Variants in CNPPD1 observed in about 807,000 individuals in gnomAD.
CNPPD1 encodes the protein protein CNPPD1.
Under a neutral mutation model 43.7 loss-of-function variants are expected in CNPPD1, and 40 were observed. The observed-to-expected ratio is 0.92, with a 90% CI of 0.71 to 1.19. CNPPD1 has a LOEUF of 1.19. CNPPD1 is among the 50% of genes most tolerant of loss of function. The pLI, the probability that CNPPD1 is intolerant of heterozygous loss-of-function variation, is 0.00. For missense variants in CNPPD1, 511 were observed against 518.5 expected, an observed-to-expected ratio of 0.99 and a Z score of 0.14; for synonymous variants, 208 against 214.3, an observed-to-expected ratio of 0.97 and a Z score of 0.26.
At chr2:219,177,895 T>G, upstream of CNPPD1, 1 of 152,300 alleles carries the variant, frequency 6.6e-6, no homozygotes. Flanking sequence ...GCGTTGAGGG[T>G]TGGTTGAGTA....
At position 219,172,862 on chromosome 2, in the gene CNPPD1, T is replaced by TG; in HGVS notation, c.956dup (p.Pro320ThrfsTer16). 1 of 1,592,120 alleles carries TG rather than the reference T, an allele frequency of 6.3e-7. No individual in the cohort carries two copies. The highest frequency in any genetic ancestry group is 8.6e-7 in the Non-Finnish European group (1 of 1,168,336). ...CAGGGGGGTCTGGGGGAGGCAATGG[T>TG]GGAGGAGTCAGTGAGGCCAGAAGAC... On this transcript the variant is annotated frameshift_variant, in exon 8 of 8. Transcript: ENST00000360507. LOFTEE classifies it high-confidence loss of function.
Position 219,172,852 on chromosome 2 carries a change from G to A in CNPPD1, c.967C>T (p.Pro323Ser), listed in dbSNP as rs1367642380. ...LASLTPPPLP[P>S]PDPPAPPTLL... Reference sequence around the variant, plus strand: ...GTGGGAGGGGCAGGGGGGTCTGGGGGAGGCAATGGTGGAGGAGTCAGTGAG... The same window carrying A: ...GTGGGAGGGGCAGGGGGGTCTGGGGAAGGCAATGGTGGAGGAGTCAGTGAG... The change falls in exon 8 of 8, where the codon CCC (proline) becomes TCC (serine). Residue 323 changes from proline to serine, a missense_variant. Physicochemically the swap from Pro to Ser is moderately conservative, Grantham distance 74. Transcript: ENST00000360507. The A allele has an allele frequency of 2.5e-5, 40 of 1,589,256 alleles. No individual in the cohort carries two copies. Among genetic ancestry groups the A allele is most frequent in the Non-Finnish European group, 3.3e-5 (39 of 1,166,860 alleles).
chr2:219,176,679 G>A (rs1650782888), intron 1 of CNPPD1, 81 bp downstream of exon 1: 2 of 1,099,204 alleles, frequency 1.8e-6, no homozygotes, highest in Non-Finnish European at 1.3e-6. Flanking sequence ...TCCCGGCACA[G>A]CAGTCAGGCG....
In CNPPD1 at chr2:219,173,038, A is replaced by G. The variant is rs1406390201; in HGVS notation, c.781T>C (p.Cys261Arg). 1.9e-6 allele frequency: 3 copies of G among 1,612,740 alleles called. No individual in the cohort carries two copies. The African/African-American group carries it at 4.0e-5, about 22-fold the overall frequency. Residue 261 changes from cysteine (C) to arginine (R), a missense_variant, in exon 8 of 8, where the codon TGC becomes CGC. By Grantham distance (180) the Cys-to-Arg change is radical. Transcript: ENST00000360507. Reference sequence around the variant, plus strand: ...TCAGGCGGCCCAGGTGTAGGGATGCAGGACAGCCCCAAAGACTGATGTATT... The same window carrying G: ...TCAGGCGGCCCAGGTGTAGGGATGCGGGACAGCCCCAAAGACTGATGTATT... ...AVIHQSLGLS[C>R]IPTPGPPDLG...
intron 5 of CNPPD1, 59 bp from the exon 6 acceptor site, chr2:219,174,266 A>G (rs1950122966): frequency 3.9e-6 from 6 of 1,539,604 alleles, no homozygotes; most frequent in African/African-American, 2.7e-5. Flanking sequence ...TCATTTAATA[A>G]TAAGAGCCAT....
chr2:219,173,440 T>A lies in CNPPD1; in HGVS notation c.600A>T (p.Arg200=). The A allele has an allele frequency of 6.2e-7, 1 of 1,613,724 alleles. No individual in the cohort carries two copies. The highest frequency in any genetic ancestry group is 1.1e-5 in the South Asian group (1 of 91,048). Residue 200 remains arginine, a synonymous_variant, in exon 7 of 8, where the codon CGA becomes CGT. Transcript: ENST00000360507. The part of the protein sequence containing the change: ...SCVAEQQGRW[R]GWYTYTDLCV... Reference sequence around the variant, plus strand: ...ACAGGTCTGTGTAGGTGTACCAGCCTCGCCACCGTCCCTGCTGCTCAGCCA... The same window carrying A: ...ACAGGTCTGTGTAGGTGTACCAGCCACGCCACCGTCCCTGCTGCTCAGCCA...
At position 219,172,478 on chromosome 2, in the gene CNPPD1, G is replaced by C; in HGVS notation, c.*108C>G. On this transcript the variant is annotated 3_prime_UTR_variant, in exon 8 of 8. Transcript: ENST00000360507. ...CCATAAGCTCCCACCCAGGAGGACAGGGGACCTGCCAAGGACCCAGCGAGG... is the reference window on the plus strand; with the variant it reads ...CCATAAGCTCCCACCCAGGAGGACACGGGACCTGCCAAGGACCCAGCGAGG... 8.4e-7 allele frequency: 1 copy of C among 1,186,926 alleles called. No homozygotes were observed. Among genetic ancestry groups the C allele is most frequent in the East Asian group, 2.3e-5 (1 of 42,880 alleles). 73.5% of individuals were successfully genotyped at this position (1,186,926 alleles called of 1,614,324 possible).
chr2:219,176,444 C>A, intron 1 of CNPPD1, 113 bp from the exon 2 acceptor site: 1 of 813,500 alleles, frequency 1.2e-6, no homozygotes, highest in South Asian at 1.6e-5. Context: ...TGCTAGGGGG[C>A]CCGTGCCTTA....
At chr2:219,175,795 A>G in intron 2 of CNPPD1, 123 bp from the exon 3 acceptor site, 1 of 769,722 alleles carries the variant, frequency 1.3e-6, no homozygotes. Context: ...GGACCATAGT[A>G]ACAAAATAGA....
upstream of CNPPD1, chr2:219,176,959 GC>G: frequency 5.8e-6 from 4 of 693,696 alleles, no homozygotes; most frequent in Non-Finnish European, 9.5e-6. Flanking sequence ...CCTCGCCCTC[GC>G]CCTCGCAGCT....
chr2:219,176,296 G>A lies in CNPPD1; in HGVS notation c.105C>T (p.Ile35=), dbSNP rs1158936711. ...LPGHQKLSAR[I]RRRLYYGWDW... ...CCCAGCCATAGTAGAGCCTCCTTCGGATCCGGGCACTCAGCTTCTGGTGTC... is the reference window on the plus strand; with the variant it reads ...CCCAGCCATAGTAGAGCCTCCTTCGAATCCGGGCACTCAGCTTCTGGTGTC... Residue 35 remains isoleucine, a synonymous_variant, in exon 2 of 8, where the codon ATC becomes ATT. Coordinates refer to ENST00000360507, the MANE Select transcript of CNPPD1 (RefSeq NM_015680.6). 1 of 1,614,172 alleles carries A rather than the reference G, an allele frequency of 6.2e-7. No homozygotes were observed. The highest frequency in any genetic ancestry group is 1.7e-5 in the Admixed American group (1 of 60,030).
At chr2:219,178,090 C>T (rs1003447924), upstream of CNPPD1, 4 of 226,782 alleles carry the variant, frequency 1.8e-5, no homozygotes, top group Non-Finnish European at 3.4e-5. Flanking sequence ...GGACTCGGAA[C>T]CCGGGGTACT....
intron 1 of CNPPD1, 89 bp downstream of exon 1, chr2:219,176,671 C>T: frequency 9.5e-7 from 1 of 1,048,750 alleles, no homozygotes; most frequent in South Asian, 1.5e-5. Context: ...CCGCCCAGTC[C>T]CGGCACAGCA....
rs751982944 is a variant in CNPPD1, at chr2:219,174,894, T to C, written c.394A>G (p.Lys132Glu). ...LFLISMMVAS[K>E]YLYDEGEEEE... The stretch of plus-strand genomic sequence containing the variant: ...TCCTCCCCTTCATCATAGAGGTACT[T>C]ACTGGCCACCATCTGCAGAGGAACC... Residue 132 changes from lysine to glutamate, a missense_variant, in exon 5 of 8, where the codon AAG becomes GAG. Physicochemically the swap from Lys to Glu is moderately conservative, Grantham distance 56 (BLOSUM62 1). Transcript: ENST00000360507. 3.7e-6 allele frequency: 6 copies of C among 1,614,122 alleles called. No homozygotes were observed. Among genetic ancestry groups the C allele is most frequent in the Middle Eastern group, 1.6e-4 (1 of 6,062 alleles).
At position 219,176,260 on chromosome 2, in the gene CNPPD1, G is replaced by C; in HGVS notation, c.141C>G (p.Ala47=). The change falls in exon 2 of 8, where the codon GCC becomes GCG. Residue 47 remains alanine, a synonymous_variant. Coordinates refer to ENST00000360507, the MANE Select transcript of CNPPD1 (RefSeq NM_015680.6). ...TGGAGAGCTCCTCCAGGCTACAGTC[G>C]GCTTCCCAGTCCCAGCCATAGTAGA... ...RRLYYGWDWE[A]DCSLEELSSP... 6.2e-7 allele frequency: 1 copy of C among 1,614,126 alleles called. No individual in the cohort carries two copies. The highest frequency in any genetic ancestry group is 8.5e-7 in the Non-Finnish European group (1 of 1,179,996).
Position 219,173,401 on chromosome 2 carries a change from C to T in CNPPD1, c.639G>A (p.Glu213=). The change falls in exon 7 of 8, where the codon GAG becomes GAA. Residue 213 remains glutamate, a synonymous_variant. Transcript: ENST00000360507. ...YTYTDLCVLL[E]QPTWQLALGS... ...CCAGGGCCAACTGCCAGGTCGGCTG[C>T]TCCAGCAGCACACACAGGTCTGTGT... 6.2e-7 allele frequency: 1 copy of T among 1,613,822 alleles called. No individual in the cohort carries two copies. Among genetic ancestry groups the T allele is most frequent in the Admixed American group, 1.7e-5 (1 of 60,026 alleles).
In CNPPD1 at chr2:219,173,090, C is replaced by T. The variant is rs1193224494; in HGVS notation, c.729G>A (p.Val243=). The change falls in exon 8 of 8, where the codon GTG becomes GTA. Residue 243 remains valine (V), a synonymous_variant. Transcript: ENST00000360507. ...CLLAVAYVSS[V]ALAVASVAVI... is the part of the protein sequence containing the mutation. ...CGGCCACCGATGCCACAGCCAGGGC[C>T]ACACTGCTCACATATGCCACAGCTA... The T allele has an allele frequency of 1.2e-6, 2 of 1,601,694 alleles. No homozygotes were observed. Among genetic ancestry groups the T allele is most frequent in the South Asian group, 1.1e-5 (1 of 90,310 alleles).
chr2:219,173,155 G>T (rs1224135042), intron 7 of CNPPD1, 27 bp from the exon 8 acceptor site: 1 of 1,539,164 alleles, frequency 6.5e-7, no homozygotes, highest in East Asian at 2.3e-5. Flanking sequence ...AAGAAAGAAG[G>T]AATCTGTCTT....
intron 5 of CNPPD1, 101 bp downstream of exon 5, chr2:219,174,677 G>A: frequency 6.8e-7 from 1 of 1,462,348 alleles, no homozygotes; most frequent in South Asian, 1.4e-5. Flanking sequence ...AGGACAGGAA[G>A]AGAAATGACG....
Sources: gnomAD v4.1 joint callset for allele counts on GRCh38, gnomAD v4.1.1 for gene constraint, MANE v1.5 for transcripts, NCBI Gene and HGNC (gene_info 2026-07-23, HGNC 2026-07-21) for gene names.